Variants in COL23A1 observed in about 807,000 individuals in gnomAD.
COL23A1 encodes the protein collagen type XXIII alpha 1 chain.
In COL23A1, 97 loss-of-function variants were observed where a neutral mutation model predicts 99.3. That is an observed-to-expected ratio of 0.98 (90% CI 0.83 to 1.16). The LOEUF (loss-of-function observed/expected upper bound fraction) is 1.16, where lower values mean the gene tolerates loss of function less well. COL23A1 is among the 50% of genes most tolerant of loss of function. The probability of loss-of-function intolerance (pLI) is 0.00; values close to 1 mark genes in which losing one functional copy is unlikely to be tolerated. For missense variants in COL23A1, 762 were observed against 757.4 expected, an observed-to-expected ratio of 1.01 and a Z score of -0.07; for synonymous variants, 320 against 308.2, an observed-to-expected ratio of 1.04 and a Z score of -0.40.
At chr5:178,511,664 CCT>C (rs1470628448) in intron 2 of COL23A1, among the ~76,000 whole-genome samples, 1 of 152,114 alleles carries the variant, frequency 6.6e-6, no homozygotes, top group Non-Finnish European at 1.5e-5. Flanking sequence ...CCATGGGTCC[CCT>C]GAGACACAGT....
chr5:178,383,315 T>C (rs6865044), intron 2 of COL23A1, among the ~76,000 whole-genome samples: 3,203 of 152,284 alleles, frequency 0.021, 96 homozygotes, highest in African/African-American at 0.065. Context: ...CTGCCTTATC[T>C]CTACCCCACC....
chr5:178,588,419 G>A (rs966624154), intron 1 of COL23A1, among the ~76,000 whole-genome samples: 1 of 152,178 alleles, frequency 6.6e-6, no homozygotes, highest in Non-Finnish European at 1.5e-5. Context: ...AATAAGAGAG[G>A]CCTCCTATGA....
chr5:178,402,796 G>C (rs1004470812), intron 2 of COL23A1, among the ~76,000 whole-genome samples: 1 of 151,942 alleles, frequency 6.6e-6, no homozygotes, highest in East Asian at 1.9e-4. Context: ...TTATATGAAC[G>C]TATCAAAATA....
intron 2 of COL23A1, among the ~76,000 whole-genome samples, chr5:178,429,358 C>T (rs1561964522): frequency 6.6e-6 from 1 of 152,170 alleles, no homozygotes; most frequent in Non-Finnish European, 1.5e-5. Flanking sequence ...AGAAAGTTGC[C>T]CTGCTTCCCC....
At chr5:178,270,287 G>A (rs774962976) in intron 6 of COL23A1, 50 bp downstream of exon 6, 14 of 1,611,002 alleles carry the variant, frequency 8.7e-6, no homozygotes, top group African/African-American at 1.3e-5. Context: ...CTAGCCCCAC[G>A]GTGGCAGCCC....
At position 178,452,287 on chromosome 5, in the gene COL23A1, CA is replaced by C. The variant is rs1490110007; in HGVS notation, c.361+108394del. Among the ~76,000 whole-genome samples the C allele has an allele frequency of 2.6e-5, 4 of 152,130 alleles. No individual in the cohort carries two copies. The East Asian group carries it at 7.7e-4, about 29-fold the overall frequency. On this transcript the variant is annotated intron_variant, in intron 2 of 28. Transcript: ENST00000390654. ...TGGAATATTCAATTATCAGTTGAAA[CA>C]ACTGAGAAGCCACCTGAAACAATGA... is the stretch of plus-strand genomic sequence containing the variant.
chr5:178,364,860 G>C (rs1159976890), intron 2 of COL23A1, among the ~76,000 whole-genome samples: 5 of 152,208 alleles, frequency 3.3e-5, no homozygotes, highest in Non-Finnish European at 7.3e-5. Context: ...CAGGTTTCAG[G>C]GCACACTGCA....
At chr5:178,532,953 C>T (rs1277689367) in intron 2 of COL23A1, among the ~76,000 whole-genome samples, 1 of 152,182 alleles carries the variant, frequency 6.6e-6, no homozygotes, top group Non-Finnish European at 1.5e-5. Context: ...GAATCAACAG[C>T]TGTTGGTTAA....
Position 178,507,957 on chromosome 5 carries a change from G to A in COL23A1, c.361+52725C>T, listed in dbSNP as rs1316332590. 3.3e-5 allele frequency among the ~76,000 whole-genome samples: 5 copies of A among 152,154 alleles called. No individual in the cohort carries two copies. In the East Asian group the frequency reaches 5.8e-4, roughly 18 times the overall value. ...CTTCTAGCATTCTGATGACACAAATGTTAGATCGTCTATGATAGTCCCATG... is the reference window on the plus strand; with the variant it reads ...CTTCTAGCATTCTGATGACACAAATATTAGATCGTCTATGATAGTCCCATG... On this transcript the variant is annotated intron_variant, in intron 2 of 28. Coordinates refer to ENST00000390654, the MANE Select transcript of COL23A1 (RefSeq NM_173465.4).
chr5:178,567,586 T>G (rs1484640774), intron 1 of COL23A1, among the ~76,000 whole-genome samples: 1 of 151,998 alleles, frequency 6.6e-6, no homozygotes, highest in Non-Finnish European at 1.5e-5. Context: ...CTATTAAAAA[T>G]ACAAAAATTA....
At chr5:178,574,460 G>A (rs1763251614) in intron 1 of COL23A1, among the ~76,000 whole-genome samples, 1 of 152,090 alleles carries the variant, frequency 6.6e-6, no homozygotes, top group Admixed American at 6.5e-5. Context: ...AATTCTCAGT[G>A]GAATCCCACA....
intron 5 of COL23A1, among the ~76,000 whole-genome samples, chr5:178,278,476 C>T (rs555267848): frequency 1.3e-5 from 2 of 152,372 alleles, no homozygotes; most frequent in African/African-American, 4.8e-5. Flanking sequence ...ATGTGCGGAA[C>T]TGCACCCCGA....
intron 2 of COL23A1, among the ~76,000 whole-genome samples, chr5:178,508,170 T>G (rs2127991884): frequency 6.6e-6 from 1 of 152,332 alleles, no homozygotes; most frequent in Middle Eastern, 3.4e-3. Flanking sequence ...TTAATTTTGG[T>G]TTTTGCATTT....
chr5:178,459,286 T>C (rs143652312), intron 2 of COL23A1, among the ~76,000 whole-genome samples: 1 of 152,212 alleles, frequency 6.6e-6, no homozygotes, highest in African/African-American at 2.4e-5. Flanking sequence ...TACTAAATAT[T>C]TGCCAAAACA....
chr5:178,267,248 CT>C (rs1462629463), intron 8 of COL23A1, 58 bp downstream of exon 8: 3 of 1,587,936 alleles, frequency 1.9e-6, no homozygotes, highest in African/African-American at 2.7e-5. Flanking sequence ...CCAGTTATGC[CT>C]CATTATTACA....
intron 2 of COL23A1, among the ~76,000 whole-genome samples, chr5:178,506,161 C>T (rs1465377006): frequency 2.6e-5 from 4 of 152,342 alleles, no homozygotes; most frequent in South Asian, 2.1e-4. Flanking sequence ...TGCTCTGGGC[C>T]GGCGCCGAAT....
intron 12 of COL23A1, among the ~76,000 whole-genome samples, chr5:178,259,202 T>A (rs1300233638): frequency 1.3e-5 from 2 of 152,188 alleles, no homozygotes; most frequent in Non-Finnish European, 2.9e-5. Context: ...ATTGCAGGCA[T>A]GAGCCAGTGT....
intron 1 of COL23A1, among the ~76,000 whole-genome samples, chr5:178,576,076 CTG>C (rs1763338333): frequency 6.6e-6 from 1 of 152,318 alleles, no homozygotes; most frequent in African/African-American, 2.4e-5. Flanking sequence ...CCCCTTCAGA[CTG>C]TGTTTCTCCT....
intron 2 of COL23A1, among the ~76,000 whole-genome samples, chr5:178,513,788 C>T (rs540166154): frequency 3.9e-4 from 59 of 152,282 alleles, no homozygotes; most frequent in Non-Finnish European, 6.5e-4. Context: ...TCCATCTTCA[C>T]GGTCAGCACA....
Sources: allele counts gnomAD v4.1 joint callset (sites outside exome capture counted in the v4.1 genomes callset), GRCh38; gene constraint gnomAD v4.1.1; transcripts MANE v1.5; gene names NCBI Gene and HGNC (gene_info 2026-07-23, HGNC 2026-07-21).